The following SETBP1 variants were observed in gnomAD, a reference collection of about 807,000 sequenced individuals.
The protein encoded by SETBP1 is SET-binding protein.
Under a neutral mutation model 101.0 loss-of-function variants are expected in SETBP1, and 9 were observed. The ratio of observed to expected loss-of-function variants is 0.09; its 90% CI spans 0.05 to 0.16. SETBP1 has a LOEUF of 0.16. Ranked by LOEUF, SETBP1 falls within the 10% of genes least tolerant of loss-of-function variation. The pLI is 1.00. For synonymous variants in SETBP1, 818 were observed against 788.5 expected, an observed-to-expected ratio of 1.04 and a Z score of -0.63; for missense variants, 1,858 against 2,033.8, an observed-to-expected ratio of 0.91 and a Z score of 1.66.
chr18:44,746,169 G>A (rs141792535), intron 2 of SETBP1, among the ~76,000 whole-genome samples: 5 of 152,320 alleles, frequency 3.3e-5, no homozygotes, highest in South Asian at 2.1e-4. Flanking sequence ...AATATGGGGC[G>A]TCATAGGAGA....
At chr18:44,880,764 C>G (rs774090564) in intron 3 of SETBP1, among the ~76,000 whole-genome samples, 8 of 152,110 alleles carry the variant, frequency 5.3e-5, no homozygotes, top group Non-Finnish European at 7.4e-5. Context: ...GAACTCAGAG[C>G]TAGAGTACTC....
chr18:44,931,804 C>T (rs939057738), intron 3 of SETBP1, among the ~76,000 whole-genome samples: 4 of 152,110 alleles, frequency 2.6e-5, no homozygotes, highest in Non-Finnish European at 4.4e-5. Context: ...AGATCTTCCT[C>T]GATCCCTTCA....
chr18:44,839,254 A>T (rs1398848230), intron 2 of SETBP1, among the ~76,000 whole-genome samples: 1 of 152,246 alleles, frequency 6.6e-6, no homozygotes, highest in Non-Finnish European at 1.5e-5. Flanking sequence ...TGGTGGGATC[A>T]GGGTGAAGAG....
At chr18:44,805,404 A>AAG (rs1491423831) in intron 2 of SETBP1, among the ~76,000 whole-genome samples, 9 of 140,434 alleles carry the variant, frequency 6.4e-5, no homozygotes, top group African/African-American at 2.6e-4. Flanking sequence ...ATGCACATGT[A>AAG]AGTGTGTGTG....
intron 5 of SETBP1, among the ~76,000 whole-genome samples, chr18:45,053,637 C>G (rs370866183): frequency 2.0e-5 from 3 of 152,172 alleles, no homozygotes; most frequent in Non-Finnish European, 4.4e-5. Flanking sequence ...CAGAGATACT[C>G]ACCATTATAT....
chr18:44,731,652 A>ACG (rs1555673669), intron 2 of SETBP1, among the ~76,000 whole-genome samples: 130 of 151,866 alleles, frequency 8.6e-4, no homozygotes, highest in African/African-American at 2.9e-3. Context: ...ACACACACAC[A>ACG]CGCGCACGCA....
rs539984726 is a variant in SETBP1, at chr18:45,061,277, T to C, written c.4172-1802T>C. Among the ~76,000 whole-genome samples the C allele has an allele frequency of 5.9e-5, 9 of 152,280 alleles. No homozygotes were observed. In the South Asian group the frequency reaches 6.2e-4, roughly 11 times the overall value. ...GACTACAAGGCCTGATTAGACTGAT[T>C]TGTCAGTCCAGAAACAATTCTTAAA... On this transcript the variant is annotated intron_variant, in intron 5 of 5. Coordinates refer to ENST00000649279, the MANE Select transcript of SETBP1 (RefSeq NM_015559.3).
chr18:44,765,649 T>C (rs367872668), intron 2 of SETBP1, among the ~76,000 whole-genome samples: 2 of 152,240 alleles, frequency 1.3e-5, no homozygotes, highest in African/African-American at 4.8e-5. Flanking sequence ...CCTCATCCCT[T>C]GCAGAAGTGC....
chr18:45,048,978 CAAAAAAAAAAAA>C (rs71177665), intron 5 of SETBP1, among the ~76,000 whole-genome samples: 14 of 46,650 alleles, frequency 3.0e-4, no homozygotes, highest in East Asian at 5.0e-4. Flanking sequence ...GACTCCGTCT[CAAAAAAAAAAAA>C]AAAAAAAAAA....
rs2073979915 is a variant in SETBP1 at position 45,067,222 on chromosome 18, A to G, written c.*3524A>G. ...TCTGCGCATTGCTGGGTCTATAAAT[A>G]TGATAAGCAAGTGGTGACAGAATTA... On this transcript the variant is annotated 3_prime_UTR_variant, in exon 6 of 6. Coordinates refer to ENST00000649279, the MANE Select transcript of SETBP1 (RefSeq NM_015559.3). The G allele has an allele frequency of 6.6e-6, 1 of 152,236 alleles. No homozygotes were observed. Among genetic ancestry groups the G allele is most frequent in the Admixed American group, 6.5e-5 (1 of 15,288 alleles). The allele number at this position is 152,236 out of a possible 1,614,324, so 9.4% of individuals were successfully genotyped here.
intron 2 of SETBP1, among the ~76,000 whole-genome samples, chr18:44,760,805 A>T (rs1599088276): frequency 6.6e-6 from 1 of 152,218 alleles, no homozygotes; most frequent in South Asian, 2.1e-4. Context: ...TTTAAATAGC[A>T]TCGAATGGTG....
chr18:44,881,536 G>A (rs192661275), intron 3 of SETBP1, among the ~76,000 whole-genome samples: 2 of 152,316 alleles, frequency 1.3e-5, no homozygotes, highest in Admixed American at 1.3e-4. Context: ...CCCATCAGCT[G>A]TAATAACGCC....
At chr18:44,983,794 A>G (rs1334228238) in intron 4 of SETBP1, among the ~76,000 whole-genome samples, 2 of 152,182 alleles carry the variant, frequency 1.3e-5, no homozygotes, top group Non-Finnish European at 2.9e-5. Context: ...CAGAGACTAA[A>G]TATCTGTTTG....
At chr18:44,849,646 G>A (rs2072805114) in intron 2 of SETBP1, among the ~76,000 whole-genome samples, 1 of 145,466 alleles carries the variant, frequency 6.9e-6, no homozygotes, top group East Asian at 2.1e-4. Context: ...AAGGCCATGG[G>A]GAAGAGTCCA....
At chr18:44,811,644 AG>A (rs2071864567) in intron 2 of SETBP1, among the ~76,000 whole-genome samples, 1 of 152,212 alleles carries the variant, frequency 6.6e-6, no homozygotes, top group South Asian at 2.1e-4. Context: ...GGGGGTAGAA[AG>A]CAATTCTATT....
At chr18:44,939,243 C>T (rs528036337) in intron 3 of SETBP1, among the ~76,000 whole-genome samples, 14 of 152,134 alleles carry the variant, frequency 9.2e-5, no homozygotes, top group Non-Finnish European at 1.5e-4. Context: ...TTCCCAGCCC[C>T]GGTCCCCACC....
At chr18:44,711,566 C>T (rs1220702956) in intron 2 of SETBP1, among the ~76,000 whole-genome samples, 3 of 150,106 alleles carry the variant, frequency 2.0e-5, no homozygotes, top group Admixed American at 2.0e-4. Flanking sequence ...TGCTCTGTTG[C>T]CCAGGCTGGA....
chr18:44,867,458 A>T (rs2069153633), intron 2 of SETBP1, among the ~76,000 whole-genome samples: 1 of 152,100 alleles, frequency 6.6e-6, no homozygotes, highest in Admixed American at 6.5e-5. Flanking sequence ...CTCTTGCTTC[A>T]TTTCCCCAGT....
chr18:44,989,753 C>A (rs1354275725), intron 4 of SETBP1, among the ~76,000 whole-genome samples: 1 of 150,288 alleles, frequency 6.7e-6, no homozygotes, highest in African/African-American at 2.4e-5. Context: ...CCTGTAGTCC[C>A]AGCTACTTGG....
Sources: allele counts gnomAD v4.1 joint callset (sites outside exome capture counted in the v4.1 genomes callset), GRCh38; gene constraint gnomAD v4.1.1; transcripts MANE v1.5; gene names NCBI Gene and HGNC (gene_info 2026-07-23, HGNC 2026-07-21).